MOSMO: variants seen among roughly 807,000 people sequenced by gnomAD.
The protein encoded by MOSMO is modulator of smoothened, also known as modulator of smoothened protein.
Under a neutral mutation model 18.4 loss-of-function variants are expected in MOSMO, and 5 were observed. That is an observed-to-expected ratio of 0.27 (90% confidence interval 0.14 to 0.57). The LOEUF is 0.57. Among genes scored for constraint, MOSMO ranks in the 20% least tolerant of loss-of-function variants. The probability of loss-of-function intolerance (pLI) is 0.92; values close to 1 mark genes in which losing one functional copy is unlikely to be tolerated. For missense variants in MOSMO, 138 were observed against 211.8 expected, an observed-to-expected ratio of 0.65 and a Z score of 2.16; for synonymous variants, 82 against 82.3, an observed-to-expected ratio of 1.00 and a Z score of 0.02.
chr16:22,048,301 G>A (rs1453719992), intron 1 of MOSMO, among the ~76,000 whole-genome samples: 6 of 152,334 alleles, frequency 3.9e-5, no homozygotes, highest in Admixed American at 1.3e-4. Context: ...ATGAGCTGCT[G>A]TATACAAAGG....
intron 1 of MOSMO, among the ~76,000 whole-genome samples, chr16:22,067,409 ACAT>A (rs1422259322): frequency 1.3e-5 from 2 of 152,242 alleles, no homozygotes; most frequent in Non-Finnish European, 2.9e-5. Context: ...ACATTCAGAA[ACAT>A]CATAGTTGAA....
chr16:22,055,815 A>G (rs879743449), intron 1 of MOSMO, among the ~76,000 whole-genome samples: 3 of 152,250 alleles, frequency 2.0e-5, no homozygotes, highest in Non-Finnish European at 4.4e-5. Context: ...AAAGTGGATC[A>G]GTAGGTGTTG....
intron 1 of MOSMO, among the ~76,000 whole-genome samples, chr16:22,037,595 G>A (rs1478899188): frequency 6.6e-6 from 1 of 152,104 alleles, no homozygotes; most frequent in African/African-American, 2.4e-5. Flanking sequence ...TGCAAGCCTC[G>A]GGTTGTTTTT....
chr16:22,026,288 G>A (rs1270163321), intron 1 of MOSMO, among the ~76,000 whole-genome samples: 2 of 131,260 alleles, frequency 1.5e-5, no homozygotes, highest in Non-Finnish European at 3.1e-5. Flanking sequence ...GTGCGATTTT[G>A]GCTCACTGCA....
rs778353817 is a variant in MOSMO at position 22,075,438 on chromosome 16, T to C, written c.107-49T>C. 41 of 1,306,792 alleles carry C rather than the reference T, an allele frequency of 3.1e-5. No homozygotes were observed. The African/African-American group carries it at 3.2e-4, about 10-fold the overall frequency. The allele number at this position is 1,306,792 out of a possible 1,614,324, so 80.9% of individuals were successfully genotyped here. The stretch of plus-strand genomic sequence containing the variant: ...AGGGGTGGTGGTGAGGAATATTCCC[T>C]GGACAGGCCAAACCCACTAAAGTAT... On this transcript the variant is annotated intron_variant, in intron 1 of 2. Transcript: ENST00000542527.
chr16:22,064,225 T>C (rs1430550599), intron 1 of MOSMO: 1 of 446,372 alleles, frequency 2.2e-6, no homozygotes, highest in Non-Finnish European at 4.5e-6. Context: ...TGTGAGGCTA[T>C]GGGGTCATTA....
At chr16:22,048,122 G>C (rs192441739) in intron 1 of MOSMO, among the ~76,000 whole-genome samples, 1 of 152,276 alleles carries the variant, frequency 6.6e-6, no homozygotes, top group East Asian at 1.9e-4. Flanking sequence ...CTGCAGTGTA[G>C]GACTGTGTAG....
Position 22,008,463 on chromosome 16 carries a change from A to C in MOSMO, c.106+56A>C, listed in dbSNP as rs1050643649. The stretch of plus-strand genomic sequence containing the variant: ...GGATTGGCTGAGGGCGACGCGAGAG[A>C]GGGGAGACCCGGACTGAGGAGAGGA... On this transcript the variant is annotated intron_variant, in intron 1 of 2. Transcript: ENST00000542527. 6 of 1,140,320 alleles carry C rather than the reference A, an allele frequency of 5.3e-6. No individual in the cohort carries two copies. In the Admixed American group the frequency reaches 1.3e-4, roughly 24 times the overall value. 70.6% of individuals were successfully genotyped at this position (1,140,320 alleles called of 1,614,324 possible). A position where few individuals can be genotyped will look rare whatever the true frequency, so the allele number is the denominator to read the frequency against.
intron 1 of MOSMO, among the ~76,000 whole-genome samples, chr16:22,025,647 G>A (rs1252944737): frequency 1.3e-5 from 2 of 152,156 alleles, no homozygotes; most frequent in African/African-American, 4.8e-5. Context: ...AACTCTGACT[G>A]TGCTCTCTTA....
chr16:22,033,946 G>A (rs1900049871), intron 1 of MOSMO, among the ~76,000 whole-genome samples: 1 of 152,016 alleles, frequency 6.6e-6, no homozygotes, highest in Non-Finnish European at 1.5e-5. Flanking sequence ...ATTGAATATG[G>A]CACCAAATGT....
At chr16:22,061,479 C>G (rs1388166762) in intron 1 of MOSMO, among the ~76,000 whole-genome samples, 1 of 152,216 alleles carries the variant, frequency 6.6e-6, no homozygotes, top group Non-Finnish European at 1.5e-5. Flanking sequence ...TTGGCATTAA[C>G]TCACACCCTC....
chr16:22,090,564 C>T (rs909183099), downstream of MOSMO, among the ~76,000 whole-genome samples: 1 of 152,174 alleles, frequency 6.6e-6, no homozygotes, highest in Admixed American at 6.5e-5. Flanking sequence ...ACCCAAAGCA[C>T]CTGCTCCTGG....
intron 1 of MOSMO, among the ~76,000 whole-genome samples, chr16:22,051,133 A>G (rs1433901750): frequency 2.0e-5 from 3 of 152,168 alleles, no homozygotes; most frequent in Non-Finnish European, 4.4e-5. Flanking sequence ...CATACCTGCA[A>G]TCCCGGCACT....
At chr16:22,030,648 A>G (rs1402343763) in intron 1 of MOSMO, among the ~76,000 whole-genome samples, 1 of 151,736 alleles carries the variant, frequency 6.6e-6, no homozygotes, top group Non-Finnish European at 1.5e-5. Context: ...GTGATTCTCA[A>G]CCTCCCAAGT....
At chr16:22,014,689 G>C (rs913695406) in intron 1 of MOSMO, among the ~76,000 whole-genome samples, 48 of 152,298 alleles carry the variant, frequency 3.2e-4, no homozygotes, top group African/African-American at 1.1e-3. Context: ...CCCTGGAACT[G>C]TAACAACTTC....
chr16:22,074,324 C>T (rs1450265800), intron 1 of MOSMO, among the ~76,000 whole-genome samples: 2 of 152,166 alleles, frequency 1.3e-5, no homozygotes, highest in Non-Finnish European at 2.9e-5. Flanking sequence ...AATCTCAGCA[C>T]ACTGGAAGGC....
chr16:22,008,510 G>A, intron 1 of MOSMO, 103 bp downstream of exon 1: 1 of 722,478 alleles, frequency 1.4e-6, no homozygotes. Flanking sequence ...GTCCCGGCCG[G>A]AGGCTAGCCT....
chr16:22,075,884 A>G (rs1900958330), intron 2 of MOSMO, 185 bp downstream of exon 2: 8 of 542,124 alleles, frequency 1.5e-5, no homozygotes, highest in Non-Finnish European at 2.7e-5. Context: ...CAAGACCAGG[A>G]CATCCACAAC....
intron 1 of MOSMO, among the ~76,000 whole-genome samples, chr16:22,066,855 G>C (rs1900757232): frequency 1.3e-5 from 2 of 152,130 alleles, no homozygotes; most frequent in Admixed American, 6.5e-5. Context: ...GACACACACA[G>C]AAACAGGAAA....
Sources: allele counts gnomAD v4.1 joint callset (sites outside exome capture counted in the v4.1 genomes callset), GRCh38; gene constraint gnomAD v4.1.1; transcripts MANE v1.5; gene names NCBI Gene and HGNC (gene_info 2026-07-23, HGNC 2026-07-21).